ADGRB1: variants seen among roughly 807,000 people sequenced by gnomAD.
ADGRB1 encodes the protein brain-specific angiogenesis inhibitor 1.
Under a neutral mutation model 175.7 loss-of-function variants are expected in ADGRB1, and 36 were observed. That is an observed-to-expected ratio of 0.20 (90% confidence interval 0.16 to 0.27). The LOEUF (loss-of-function observed/expected upper bound fraction) is 0.27. Ranked by LOEUF, ADGRB1 falls within the 10% of genes least tolerant of loss-of-function variation. The probability of loss-of-function intolerance (pLI) is 1.00; values close to 1 mark genes in which losing one functional copy is unlikely to be tolerated. For missense variants in ADGRB1, 1,731 were observed against 2,255.3 expected (o/e 0.77, Z 4.71); for synonymous variants, 1,054 against 979.4 (o/e 1.08, Z -1.42).
intron 17 of ADGRB1, among the ~76,000 whole-genome samples, chr8:142,506,513 G>A (rs1009703826): frequency 6.6e-6 from 1 of 152,232 alleles, no homozygotes; most frequent in Non-Finnish European, 1.5e-5. Context: ...CTCGCTCTGT[G>A]ACCCAGATAT....
chr8:142,523,314 A>G (rs1170281614), intron 22 of ADGRB1, among the ~76,000 whole-genome samples: 1 of 144,418 alleles, frequency 6.9e-6, no homozygotes, highest in African/African-American at 2.6e-5. Context: ...GGGGAAGGGG[A>G]ACCGAGGCTT....
chr8:142,538,544 C>T (rs1448892924), intron 26 of ADGRB1, among the ~76,000 whole-genome samples: 3 of 152,228 alleles, frequency 2.0e-5, no homozygotes, highest in African/African-American at 7.2e-5. Flanking sequence ...TTGTCTCCAT[C>T]CAACCCAACC....
chr8:142,491,655 G>A (rs1322829947), intron 17 of ADGRB1, among the ~76,000 whole-genome samples: 3 of 152,304 alleles, frequency 2.0e-5, no homozygotes, highest in South Asian at 2.1e-4. Flanking sequence ...GCACCCTGCC[G>A]CCCGCCTCCT....
rs369644974 is a variant in ADGRB1 at position 142,542,200 on chromosome 8, C to T, written c.3966C>T (p.Asp1322=). 1.0e-4 allele frequency: 162 copies of T among 1,613,702 alleles called. No homozygotes were observed. The highest frequency in any genetic ancestry group is 1.6e-4 in the Middle Eastern group (1 of 6,062). ...CGCCCAAGTCCTCCTTCGTCGGTGA[C>T]GGGGACATCTTCAAGAAGCTGGACT... is the stretch of plus-strand genomic sequence containing the variant. ...DKAPKSSFVG[D]GDIFKKLDSE... is the part of the protein sequence containing the mutation. The change falls in exon 28 of 31, where the codon GAC becomes GAT. Residue 1322 remains aspartate (D), a synonymous_variant. Transcript: ENST00000517894. The surrounding 1 kb of genome is among the most constrained non-coding windows in gnomAD (Gnocchi z 6.3).
chr8:142,500,495 G>GA (rs1842468639), intron 17 of ADGRB1, among the ~76,000 whole-genome samples: 1 of 151,082 alleles, frequency 6.6e-6, no homozygotes, highest in Non-Finnish European at 1.5e-5. Context: ...ATGTGGAGGG[G>GA]CGGCTGCAGG....
intron 16 of ADGRB1, 123 bp downstream of exon 16, chr8:142,489,561 C>CT (rs1841886223): frequency 1.0e-6 from 1 of 1,004,218 alleles, no homozygotes; most frequent in African/African-American, 1.6e-5. Flanking sequence ...TCGAGAGCTA[C>CT]TTTTATCCCT....
chr8:142,507,329 G>A (rs569890337), intron 17 of ADGRB1, among the ~76,000 whole-genome samples: 37 of 152,152 alleles, frequency 2.4e-4, no homozygotes, highest in Non-Finnish European at 3.5e-4. Flanking sequence ...GCTGAGGAGG[G>A]CACCTGCACT....
intron 9 of ADGRB1, among the ~76,000 whole-genome samples, chr8:142,480,194 T>C (rs1474788890): frequency 1.3e-5 from 2 of 152,154 alleles, no homozygotes; most frequent in Non-Finnish European, 2.9e-5. Flanking sequence ...GGGGAAGGGC[T>C]CGCTGCACTA....
In ADGRB1 at chr8:142,464,002, G is replaced by A. The variant is rs1840103551; in HGVS notation, c.-197G>A. On this transcript the variant is annotated 5_prime_UTR_variant, in exon 2 of 31. Transcript: ENST00000517894. ...CAGCTGCTGCTGGTGGCCACAGGCT[G>A]GCACCAGGGCCCTGGACTTTAGAAG... 2.4e-6 allele frequency: 1 copy of A among 410,594 alleles called. No homozygotes were observed. Among genetic ancestry groups the A allele is most frequent in the Non-Finnish European group, 4.0e-6 (1 of 247,432 alleles). The allele number at this position is 410,594 out of a possible 1,614,324, so 25.4% of individuals were successfully genotyped here.
chr8:142,470,702 C>T (rs1840615519), intron 2 of ADGRB1, among the ~76,000 whole-genome samples: 2 of 152,126 alleles, frequency 1.3e-5, no homozygotes, highest in African/African-American at 2.4e-5. Context: ...CCACACATTC[C>T]GTTGGGCTCC....
At chr8:142,468,252 G>A (rs967890195) in intron 2 of ADGRB1, among the ~76,000 whole-genome samples, 10 of 152,132 alleles carry the variant, frequency 6.6e-5, no homozygotes, top group Admixed American at 3.3e-4. Flanking sequence ...ACTCATGTGC[G>A]TGTGTGTGTG....
intron 17 of ADGRB1, among the ~76,000 whole-genome samples, chr8:142,505,944 G>A (rs1842827634): frequency 1.3e-5 from 2 of 152,286 alleles, no homozygotes; most frequent in Middle Eastern, 3.4e-3. Context: ...CAAGGCTCCG[G>A]GTGAGCGATG....
At chr8:142,465,982 T>C (rs1840255221) in intron 2 of ADGRB1, among the ~76,000 whole-genome samples, 1 of 152,180 alleles carries the variant, frequency 6.6e-6, no homozygotes, top group Non-Finnish European at 1.5e-5. Flanking sequence ...TAGAGCCCTG[T>C]GGAGGCCCCG....
intron 18 of ADGRB1, 53 bp from the exon 19 acceptor site, chr8:142,518,085 G>A (rs941333494): frequency 2.3e-5 from 36 of 1,567,594 alleles, no homozygotes; most frequent in African/African-American, 2.7e-5. Flanking sequence ...CGGGTCTGCC[G>A]AGTGGGCGAG....
chr8:142,497,519 C>T (rs114900693), intron 17 of ADGRB1, among the ~76,000 whole-genome samples: 2,532 of 152,190 alleles, frequency 0.017, 62 homozygotes, highest in African/African-American at 0.052. Flanking sequence ...GGGGAGGGGA[C>T]GCACCCAACA....
At chr8:142,467,932 G>C (rs1350709706) in intron 2 of ADGRB1, among the ~76,000 whole-genome samples, 5 of 152,344 alleles carry the variant, frequency 3.3e-5, no homozygotes, top group Middle Eastern at 6.8e-3. Context: ...GGAGACTCTA[G>C]AGGGCTCAGG....
chr8:142,487,882 G>A (rs1563704085), intron 13 of ADGRB1, among the ~76,000 whole-genome samples: 3 of 152,336 alleles, frequency 2.0e-5, no homozygotes, highest in East Asian at 3.9e-4. Context: ...GAGCCCTGAG[G>A]CAGGGCAGCC....
At position 142,474,108 on chromosome 8, in the gene ADGRB1, G is replaced by A. The variant is rs958194651; in HGVS notation, c.785-1366G>A. On this transcript the variant is annotated intron_variant, in intron 2 of 30. Transcript: ENST00000517894. The surrounding 1 kb of genome is among the most constrained non-coding windows in gnomAD (Gnocchi z 5.8). ...AGGCCAGTGGGTGGTGGGGCCACTG[G>A]GGGAATCTGGCAGCTGGAGCTACCC... is the stretch of plus-strand genomic sequence containing the variant. 2.6e-5 allele frequency among the ~76,000 whole-genome samples: 4 copies of A among 152,202 alleles called. No individual in the cohort carries two copies. Among genetic ancestry groups the A allele is most frequent in the African/African-American group, 9.7e-5 (4 of 41,438 alleles).
At chr8:142,469,473 ATG>A (rs747797345) in intron 2 of ADGRB1, among the ~76,000 whole-genome samples, 34 of 118,806 alleles carry the variant, frequency 2.9e-4, no homozygotes, top group Non-Finnish European at 4.9e-4. Context: ...ATGCACGTGC[ATG>A]TGTGAGTGTG....
Sources: gnomAD v4.1 joint callset for allele counts (sites outside exome capture counted in the v4.1 genomes callset) on GRCh38, gnomAD v4.1.1 for gene constraint, Gnocchi (gnomAD v3.1) non-coding constraint, MANE v1.5 for transcripts, NCBI Gene and HGNC (gene_info 2026-07-23, HGNC 2026-07-21) for gene names.